The following AGBL3 variants were observed in gnomAD, a reference collection of about 807,000 sequenced individuals.
The protein encoded by AGBL3 is cytosolic carboxypeptidase 3.
AGBL3 carries 68 observed loss-of-function variants against 94.5 expected under a neutral mutation model. The observed-to-expected ratio is 0.72, with a 90% CI of 0.59 to 0.88. The LOEUF is 0.88. Among genes scored for constraint, AGBL3 ranks in the 40% least tolerant of loss-of-function variants. AGBL3 has a pLI of 0.00. For synonymous variants in AGBL3, 354 were observed against 370.7 expected (o/e 0.95, Z 0.52); for missense variants, 934 against 1,103.8 (o/e 0.85, Z 2.18).
intron 7 of AGBL3, 26 bp from the exon 8 acceptor site, chr7:135,037,388 AAGTT>A (rs1242640723): frequency 2.6e-6 from 4 of 1,517,518 alleles, no homozygotes; most frequent in Non-Finnish European, 3.5e-6. Context: ...GCAGAGATAA[AAGTT>A]AGTAACTTAT....
intron 16 of AGBL3, among the ~76,000 whole-genome samples, chr7:135,132,211 A>G (rs1828869154): frequency 6.6e-6 from 1 of 152,198 alleles, no homozygotes; most frequent in Non-Finnish European, 1.5e-5. Context: ...AAAACAAAAA[A>G]GGAAATGACA....
intron 12 of AGBL3, among the ~76,000 whole-genome samples, chr7:135,066,607 C>T (rs1819327333): frequency 6.6e-6 from 1 of 152,116 alleles, no homozygotes; most frequent in Admixed American, 6.5e-5. Context: ...CAGTAATCAC[C>T]CTTCTGGTAT....
At chr7:135,012,205 G>A (rs956897898) in intron 4 of AGBL3, 1 of 152,068 alleles carries the variant, frequency 6.6e-6, no homozygotes, top group Non-Finnish European at 1.5e-5. Flanking sequence ...GCAAAGCAAA[G>A]CAATAGTTTT....
intron 15 of AGBL3, among the ~76,000 whole-genome samples, chr7:135,097,531 G>C (rs1823085618): frequency 6.6e-6 from 1 of 152,104 alleles, no homozygotes; most frequent in African/African-American, 2.4e-5. Flanking sequence ...ATTTTGGCAT[G>C]TTTCATTCAG....
Position 135,135,042 on chromosome 7 carries a change from G to T in AGBL3, c.2544G>T (p.Lys848Asn), listed in dbSNP as rs1484801040. The T allele has an allele frequency of 6.4e-7, 1 of 1,551,052 alleles. No individual in the cohort carries two copies. Among genetic ancestry groups the T allele is most frequent in the Non-Finnish European group, 8.7e-7 (1 of 1,146,666 alleles). The change falls in exon 17 of 17, where the codon AAG (lysine) becomes AAT (asparagine). Residue 848 changes from lysine to asparagine, a missense_variant. Transcript: ENST00000436302. ...AACATTCTCAAATCTGGGCCATAAA[G>T]AATGAAGACATAAAACCTCTCAGCA... ...KNKHSQIWAI[K>N]NEDIKPLSSK...
intron 4 of AGBL3, among the ~76,000 whole-genome samples, chr7:135,001,562 T>C (rs1309865042): frequency 2.0e-5 from 3 of 152,234 alleles, no homozygotes; most frequent in African/African-American, 7.2e-5. Flanking sequence ...GGAGCTCCCA[T>C]TGGTCTATGT....
intron 5 of AGBL3, among the ~76,000 whole-genome samples, chr7:135,028,983 T>C (rs1290716307): frequency 6.6e-6 from 1 of 152,210 alleles, no homozygotes; most frequent in Non-Finnish European, 1.5e-5. Context: ...TTAAAAGGAA[T>C]CTTTTTTCTG....
chr7:135,079,489 G>A (rs972309522), intron 13 of AGBL3, among the ~76,000 whole-genome samples: 19 of 151,784 alleles, frequency 1.3e-4, no homozygotes, highest in African/African-American at 4.1e-4. Flanking sequence ...TTTTTGAGAC[G>A]GAGTCTAGCT....
intron 5 of AGBL3, among the ~76,000 whole-genome samples, chr7:135,032,111 G>A (rs952913982): frequency 3.3e-5 from 5 of 152,138 alleles, no homozygotes; most frequent in African/African-American, 1.2e-4. Context: ...CAGCAAGCCA[G>A]GGCTCAACAT....
At chr7:135,003,336 T>C (rs1231000847) in intron 4 of AGBL3, among the ~76,000 whole-genome samples, 1 of 152,086 alleles carries the variant, frequency 6.6e-6, no homozygotes, top group Non-Finnish European at 1.5e-5. Flanking sequence ...AATCTGTCTT[T>C]TGATATGCCA....
chr7:134,989,129 C>T (rs1473303942), intron 2 of AGBL3, 121 bp from the exon 3 acceptor site: 1 of 635,670 alleles, frequency 1.6e-6, no homozygotes, highest in Non-Finnish European at 2.7e-6. Flanking sequence ...CTTTAATTTT[C>T]TCGTTTATTA....
chr7:135,060,756 T>C (rs1284053322), intron 12 of AGBL3, among the ~76,000 whole-genome samples: 1 of 152,166 alleles, frequency 6.6e-6, no homozygotes, highest in Non-Finnish European at 1.5e-5. Flanking sequence ...TGAATAGTAT[T>C]TCATCGTGCT....
chr7:135,075,838 A>G (rs780097324), intron 12 of AGBL3, among the ~76,000 whole-genome samples: 1 of 152,174 alleles, frequency 6.6e-6, no homozygotes, highest in Non-Finnish European at 1.5e-5. Flanking sequence ...ACGATGTTGA[A>G]TATCTTTTCA....
At chr7:135,067,471 T>G (rs1256175221) in intron 12 of AGBL3, among the ~76,000 whole-genome samples, 2 of 152,160 alleles carry the variant, frequency 1.3e-5, no homozygotes, top group African/African-American at 4.8e-5. Flanking sequence ...CCGAGTAGCC[T>G]AATTGGGAGG....
chr7:135,128,144 T>C (rs1438346410), intron 16 of AGBL3, among the ~76,000 whole-genome samples: 3 of 151,354 alleles, frequency 2.0e-5, no homozygotes, highest in African/African-American at 7.3e-5. Context: ...ATACAAAAAT[T>C]AGCCAGGTGT....
At chr7:135,015,243 G>C (rs10954478) in intron 4 of AGBL3, among the ~76,000 whole-genome samples, 100,470 of 151,210 alleles carry the variant, frequency 0.66, 33,696 homozygotes, top group East Asian at 0.96. Context: ...CTTAAACAAC[G>C]CTTGCTCGAG....
chr7:134,991,483 G>A (rs1263638205), intron 3 of AGBL3, among the ~76,000 whole-genome samples: 1 of 152,038 alleles, frequency 6.6e-6, no homozygotes, highest in African/African-American at 2.4e-5. Context: ...GTCTAGGCCA[G>A]AATTTCTCAA....
At chr7:135,062,500 T>C (rs925977718) in intron 12 of AGBL3, among the ~76,000 whole-genome samples, 7 of 152,176 alleles carry the variant, frequency 4.6e-5, no homozygotes, top group African/African-American at 1.7e-4. Flanking sequence ...TTTGGGTTTG[T>C]CATAGATGGC....
chr7:135,129,587 A>G lies in AGBL3; in HGVS notation c.2343-5254A>G. On this transcript the variant is annotated intron_variant, in intron 16 of 16. Transcript: ENST00000436302. Reference sequence around the variant, plus strand: ...TTTGCATGAGTTCTCTCTCTAGAGCAAACCCTTACAAACATTTCACTGATC... The same window carrying G: ...TTTGCATGAGTTCTCTCTCTAGAGCGAACCCTTACAAACATTTCACTGATC... 6 of 771,442 alleles carry G rather than the reference A, an allele frequency of 7.8e-6. No individual in the cohort carries two copies. The South Asian group carries it at 8.1e-5, about 10-fold the overall frequency. 47.8% of individuals were successfully genotyped at this position (771,442 alleles called of 1,614,324 possible).
Sources: allele counts gnomAD v4.1 joint callset (sites outside exome capture counted in the v4.1 genomes callset), GRCh38; gene constraint gnomAD v4.1.1; transcripts MANE v1.5; gene names NCBI Gene and HGNC (gene_info 2026-07-23, HGNC 2026-07-21).